The following DOCK6 variants were observed in gnomAD, a reference collection of about 807,000 sequenced individuals.
DOCK6 encodes dedicator of cytokinesis 6.
Under a neutral mutation model 230.3 loss-of-function variants are expected in DOCK6, and 167 were observed. That is an observed-to-expected ratio of 0.73 (90% CI 0.64 to 0.82). The LOEUF (loss-of-function observed/expected upper bound fraction) is 0.82. Ranked by LOEUF, DOCK6 falls within the 40% of genes least tolerant of loss-of-function variation. The pLI, the probability that DOCK6 is intolerant of heterozygous loss-of-function variation, is 0.00. For synonymous variants in DOCK6, 1,148 were observed against 1,185.0 expected, an observed-to-expected ratio of 0.97 and a Z score of 0.64; for missense variants, 2,598 against 2,825.8, an observed-to-expected ratio of 0.92 and a Z score of 1.83.
intron 22 of DOCK6, among the ~76,000 whole-genome samples, chr19:11,231,340 A>G (rs1252309240): frequency 7.6e-6 from 1 of 131,488 alleles, no homozygotes; most frequent in East Asian, 2.7e-4. Flanking sequence ...GGGTCCCAGC[A>G]AAAGATGTCA....
In DOCK6 at chr19:11,246,709, C is replaced by T. The variant is rs77410295; in HGVS notation, c.807-831G>A. ...CCCACATCTTGAAATTCTCAACTTC[C>T]GGGTTTCCCCATCCCTCCTTTCTGG... On this transcript the variant is annotated intron_variant, in intron 7 of 47. Coordinates refer to ENST00000294618, the MANE Select transcript of DOCK6 (RefSeq NM_020812.4). Among the ~76,000 whole-genome samples, 274 of 152,302 alleles carry T rather than the reference C, an allele frequency of 1.8e-3. 5 individuals are homozygous for T. The East Asian group carries it at 0.043, about 24-fold the overall frequency.
At chr19:11,234,768 T>C (rs1184108709) in intron 21 of DOCK6, among the ~76,000 whole-genome samples, 1 of 152,194 alleles carries the variant, frequency 6.6e-6, no homozygotes, top group Non-Finnish European at 1.5e-5. Context: ...GCTTGCTGAC[T>C]ATCTGAATCG....
chr19:11,224,198 C>CTT (rs903828500), intron 24 of DOCK6, among the ~76,000 whole-genome samples: 1 of 148,744 alleles, frequency 6.7e-6, no homozygotes, highest in Non-Finnish European at 1.5e-5. Context: ...ACTTTTCTTT[C>CTT]TTTCTTTCTT....
intron 1 of DOCK6, chr19:11,254,125 T>G: frequency 6.0e-6 from 1 of 167,750 alleles, no homozygotes; most frequent in Admixed American, 6.4e-5. Context: ...CATACATCCC[T>G]TCCCATCCTT....
At chr19:11,224,781 C>G (rs1230535839) in intron 24 of DOCK6, among the ~76,000 whole-genome samples, 1 of 152,014 alleles carries the variant, frequency 6.6e-6, no homozygotes, top group African/African-American at 2.4e-5. Flanking sequence ...TCCCTGCAAC[C>G]CGGCCAGGCA....
chr19:11,212,774 G>A (rs2147748553), intron 35 of DOCK6, among the ~76,000 whole-genome samples: 2 of 146,564 alleles, frequency 1.4e-5, no homozygotes. Flanking sequence ...CATGTTGGCT[G>A]GGCTGGTCTC....
chr19:11,216,633 T>G, intron 30 of DOCK6: 1 of 398,266 alleles, frequency 2.5e-6, no homozygotes, highest in South Asian at 2.6e-5. Flanking sequence ...GCTCTTGAAC[T>G]CCTGACCTCA....
intron 1 of DOCK6, among the ~76,000 whole-genome samples, chr19:11,257,482 T>TAAAAA (rs35933920): frequency 1.1e-4 from 9 of 78,614 alleles, no homozygotes; most frequent in South Asian, 6.9e-4. Context: ...CACTGTCTCT[T>TAAAAA]AAAAAAAAAA....
At position 11,228,983 on chromosome 19, in the gene DOCK6, C is replaced by T. The variant is rs747986259; in HGVS notation, c.2771G>A (p.Arg924His). 52 of 1,613,562 alleles carry T rather than the reference C, an allele frequency of 3.2e-5. No homozygotes were observed. Among genetic ancestry groups the T allele is most frequent in the Non-Finnish European group, 4.2e-5 (49 of 1,179,834 alleles). ...CCAGGCGTGCTGGAGGATGGCCTCG[C>T]GTACGGCACTGCTGCTGACCACCCA... ...LQWVVSSSAV[R>H]EAILQHAWFF... Residue 924 changes from arginine to histidine, a missense_variant, in exon 23 of 48, where the codon CGC becomes CAC. Arg to His is a conservative substitution (Grantham distance 29, BLOSUM62 0). Transcript: ENST00000294618.
chr19:11,232,493 T>A lies in DOCK6; in HGVS notation c.2718+710A>T, dbSNP rs181242670. On this transcript the variant is annotated intron_variant, in intron 22 of 47. Coordinates refer to ENST00000294618, the MANE Select transcript of DOCK6 (RefSeq NM_020812.4). ...GTATGTGGGTCCACAGGTGCATGCA[T>A]ACACACCCCTGTAAGTCTGTGCATG... 2.0e-5 allele frequency among the ~76,000 whole-genome samples: 3 copies of A among 152,240 alleles called. No homozygotes were observed. In the East Asian group the frequency reaches 5.8e-4, roughly 29 times the overall value.
Position 11,222,037 on chromosome 19 carries a change from T to G in DOCK6, c.3381-17A>C, listed in dbSNP as rs368795267. 9.3e-6 allele frequency: 15 copies of G among 1,606,336 alleles called. No individual in the cohort carries two copies. In the African/African-American group the frequency reaches 1.9e-4, roughly 20 times the overall value. On this transcript the variant is annotated splice_polypyrimidine_tract_variant and intron_variant, in intron 27 of 47. Coordinates refer to ENST00000294618, the MANE Select transcript of DOCK6 (RefSeq NM_020812.4). This position sits in a 1 kb window ranked among gnomAD's most constrained non-coding sequence, Gnocchi z 4.0. ...AGGAATGCCCTATGGGGTAATGAGG[T>G]GCTCAGGACAGGGTGGACATGGCTC... is the stretch of plus-strand genomic sequence containing the variant.
rs145201527 is a variant in DOCK6, at chr19:11,238,341, G to C, written c.1644-37C>G. ...AGGATGGGGGTGTCAGAGGGACAGG[G>C]GCCCTGAAGGTGCACATACAAGGCT... On this transcript the variant is annotated intron_variant, in intron 14 of 47. Coordinates refer to ENST00000294618, the MANE Select transcript of DOCK6 (RefSeq NM_020812.4). The C allele has an allele frequency of 4.5e-6, 7 of 1,551,330 alleles. No individual in the cohort carries two copies. In the African/African-American group the frequency reaches 9.5e-5, roughly 21 times the overall value.
At position 11,236,265 on chromosome 19, in the gene DOCK6, C is replaced by A; in HGVS notation, c.2392+81G>T. On this transcript the variant is annotated intron_variant, in intron 20 of 47. Coordinates refer to ENST00000294618, the MANE Select transcript of DOCK6 (RefSeq NM_020812.4). This position sits in a 1 kb window ranked among gnomAD's most constrained non-coding sequence, Gnocchi z 5.2. ...AAAAATGGCCAGAGAGGTAAATGGGCTTATAGAAGATCCCTCAGGACCTCA... is the reference window on the plus strand; with the variant it reads ...AAAAATGGCCAGAGAGGTAAATGGGATTATAGAAGATCCCTCAGGACCTCA... 7.6e-7 allele frequency: 1 copy of A among 1,312,788 alleles called. No individual in the cohort carries two copies. Among genetic ancestry groups the A allele is most frequent in the African/African-American group, 1.5e-5 (1 of 67,762 alleles). 81.3% of individuals were successfully genotyped at this position (1,312,788 alleles called of 1,614,324 possible). A position where few individuals can be genotyped will look rare whatever the true frequency, so the allele number is the denominator to read the frequency against.
Position 11,222,287 on chromosome 19 carries a change from AGG to A in DOCK6, c.3241-41_3241-40del. The A allele has an allele frequency of 6.4e-7, 1 of 1,568,284 alleles. No individual in the cohort carries two copies. Among genetic ancestry groups the A allele is most frequent in the Non-Finnish European group, 8.7e-7 (1 of 1,155,732 alleles). On this transcript the variant is annotated intron_variant, in intron 26 of 47. Coordinates refer to ENST00000294618, the MANE Select transcript of DOCK6 (RefSeq NM_020812.4). The surrounding 1 kb of genome is among the most constrained non-coding windows in gnomAD (Gnocchi z 4.0). ...GAAAAATGGGGGATGCCAGCGGTCAAGGGTCAGAGGTGGCAGGTCACCATTAA... is the reference window on the plus strand; with the variant it reads ...GAAAAATGGGGGATGCCAGCGGTCAAGTCAGAGGTGGCAGGTCACCATTAA...
At chr19:11,232,730 G>C (rs143320409) in intron 22 of DOCK6, among the ~76,000 whole-genome samples, 1 of 136,072 alleles carries the variant, frequency 7.3e-6, no homozygotes, top group African/African-American at 3.1e-5. Flanking sequence ...ACACGTATAC[G>C]TGCCCATGTA....
At chr19:11,237,009 C>T (rs2079859701) in intron 18 of DOCK6, 130 bp from the exon 19 acceptor site, 2 of 904,308 alleles carry the variant, frequency 2.2e-6, no homozygotes, top group Non-Finnish European at 3.3e-6. Flanking sequence ...AAGCACCCTG[C>T]CCCCAGCCCT....
intron 21 of DOCK6, among the ~76,000 whole-genome samples, 192 bp downstream of exon 21, chr19:11,235,406 G>A (rs1284481692): frequency 1.3e-5 from 2 of 152,032 alleles, no homozygotes; most frequent in African/African-American, 4.8e-5. Context: ...CACCATGCCT[G>A]GCCCCAGCTA....
chr19:11,243,180 GGGC>G lies in DOCK6; in HGVS notation c.1387-31_1387-29del, dbSNP rs1384818158. 3.1e-6 allele frequency: 5 copies of G among 1,613,020 alleles called. No individual in the cohort carries two copies. In the East Asian group the frequency reaches 6.7e-5, roughly 22 times the overall value. ...ACATGGGACCCACTCCCGTCAGCCT[GGGC>G]CAGGGGGCTAGGGGTCCCCAGGGCT... On this transcript the variant is annotated intron_variant, in intron 12 of 47. Transcript: ENST00000294618. This position sits in a 1 kb window ranked among gnomAD's most constrained non-coding sequence, Gnocchi z 6.3.
intron 21 of DOCK6, among the ~76,000 whole-genome samples, chr19:11,234,538 G>A (rs1309178755): frequency 6.6e-6 from 1 of 151,562 alleles, no homozygotes; most frequent in South Asian, 2.1e-4. Context: ...CTCTATTGAG[G>A]GTTCACTATG....
Sources: allele counts gnomAD v4.1 joint callset (sites outside exome capture counted in the v4.1 genomes callset), GRCh38; gene constraint gnomAD v4.1.1; non-coding constraint Gnocchi (gnomAD v3.1); transcripts MANE v1.5; gene names NCBI Gene and HGNC (gene_info 2026-07-23, HGNC 2026-07-21).